The following UMAD1 variants were observed in gnomAD, a reference collection of about 807,000 sequenced individuals.
The protein encoded by UMAD1 is UBAP1-MVB12-associated (UMA) domain containing 1, also known as UBAP1-MVB12-associated (UMA)-domain containing protein 1.
A neutral mutation model predicts 6.1 loss-of-function variants in UMAD1; 8 were observed. That is an observed-to-expected ratio of 1.30 (90% CI 0.76 to 2.35). The LOEUF is 2.35. Ranked by LOEUF, UMAD1 falls within the 30% of genes most tolerant of loss-of-function variation. UMAD1 has a pLI of 0.00. For missense variants in UMAD1, 130 were observed against 78.4 expected (o/e 1.66, Z -2.49); for synonymous variants, 56 against 31.4 (o/e 1.78, Z -2.61).
At chr7:7,756,830 G>A (rs944219757) in intron 2 of UMAD1, among the ~76,000 whole-genome samples, 6 of 152,166 alleles carry the variant, frequency 3.9e-5, no homozygotes, top group African/African-American at 1.4e-4. Flanking sequence ...AGTCTGCTCA[G>A]AATTCCTTAA....
At chr7:7,812,234 C>T (rs189807819) in intron 3 of UMAD1, among the ~76,000 whole-genome samples, 1 of 152,276 alleles carries the variant, frequency 6.6e-6, no homozygotes, top group Admixed American at 6.5e-5. Flanking sequence ...CTGTTTCCAT[C>T]CAAACTGCAC....
At chr7:7,740,013 C>G (rs1161086287) in intron 2 of UMAD1, among the ~76,000 whole-genome samples, 1 of 152,234 alleles carries the variant, frequency 6.6e-6, no homozygotes, top group African/African-American at 2.4e-5. Context: ...CATCTAATTA[C>G]TATACAGTGA....
At chr7:7,806,724 A>G (rs1782924197) in intron 3 of UMAD1, among the ~76,000 whole-genome samples, 1 of 152,216 alleles carries the variant, frequency 6.6e-6, no homozygotes, top group Non-Finnish European at 1.5e-5. Flanking sequence ...GAAAAGTTTA[A>G]TAAATTCAGT....
chr7:7,648,195 T>G (rs1859604), intron 1 of UMAD1, among the ~76,000 whole-genome samples: 101,234 of 151,990 alleles, frequency 0.67, 34,195 homozygotes, highest in East Asian at 0.88. Flanking sequence ...CCATTAGGAC[T>G]TAATTGCCTA....
At chr7:7,733,041 AATGGAGT>A in intron 2 of UMAD1, among the ~76,000 whole-genome samples, 1 of 152,210 alleles carries the variant, frequency 6.6e-6, no homozygotes, top group Non-Finnish European at 1.5e-5. Context: ...TGTCATAAGT[AATGGAGT>A]TATTTATTAG....
At chr7:7,864,451 C>A (rs1417821777) in intron 3 of UMAD1, among the ~76,000 whole-genome samples, 1 of 151,854 alleles carries the variant, frequency 6.6e-6, no homozygotes, top group Non-Finnish European at 1.5e-5. Flanking sequence ...GGGCACCATC[C>A]CATCACAGGG....
intron 3 of UMAD1, among the ~76,000 whole-genome samples, chr7:7,876,192 G>A (rs552467331): frequency 6.6e-6 from 1 of 152,254 alleles, no homozygotes; most frequent in East Asian, 1.9e-4. Context: ...GAGCGTCCTG[G>A]TCTGAGGGAA....
intron 3 of UMAD1, among the ~76,000 whole-genome samples, chr7:7,804,398 C>T (rs1782865068): frequency 6.6e-6 from 1 of 152,196 alleles, no homozygotes; most frequent in Non-Finnish European, 1.5e-5. Context: ...TGAGACTGGG[C>T]GTGGTGGCTC....
intron 1 of UMAD1, among the ~76,000 whole-genome samples, chr7:7,653,330 G>T (rs1197774544): frequency 6.6e-6 from 1 of 152,144 alleles, no homozygotes; most frequent in Non-Finnish European, 1.5e-5. Context: ...GACACTAAAG[G>T]CTGTAAATTG....
intron 1 of UMAD1, chr7:7,641,841 A>G (rs1002328577): frequency 2.0e-5 from 3 of 152,198 alleles, no homozygotes; most frequent in Non-Finnish European, 4.4e-5. Flanking sequence ...TTGAGACTTC[A>G]CGTGGCAATT....
At chr7:7,761,196 C>T (rs1184138345) in intron 2 of UMAD1, among the ~76,000 whole-genome samples, 2 of 151,924 alleles carry the variant, frequency 1.3e-5, no homozygotes, top group Non-Finnish European at 2.9e-5. Context: ...AAAACCCTGT[C>T]TCTACAAAAT....
intron 2 of UMAD1, among the ~76,000 whole-genome samples, chr7:7,704,721 C>T (rs571582503): frequency 7.4e-6 from 1 of 135,622 alleles, no homozygotes; most frequent in Non-Finnish European, 1.5e-5. Flanking sequence ...GAGCTGAGAT[C>T]GCACCACTGT....
At chr7:7,642,870 A>T (rs1280630552) in intron 1 of UMAD1, among the ~76,000 whole-genome samples, 1 of 152,214 alleles carries the variant, frequency 6.6e-6, no homozygotes, top group Non-Finnish European at 1.5e-5. Context: ...AGGTGGTTTT[A>T]TCACACATGC....
chr7:7,751,689 G>A (rs1352997451), intron 2 of UMAD1, among the ~76,000 whole-genome samples: 1 of 152,110 alleles, frequency 6.6e-6, no homozygotes, highest in East Asian at 1.9e-4. Context: ...CTGTTTACCT[G>A]TAATCAGAGG....
chr7:7,872,948 C>T (rs1195017066), intron 3 of UMAD1, among the ~76,000 whole-genome samples: 1 of 152,100 alleles, frequency 6.6e-6, no homozygotes, highest in Non-Finnish European at 1.5e-5. Flanking sequence ...TTTGAACTAC[C>T]AGTGAGTGTC....
At chr7:7,809,926 A>G (rs1782990997) in intron 3 of UMAD1, among the ~76,000 whole-genome samples, 1 of 152,060 alleles carries the variant, frequency 6.6e-6, no homozygotes, top group African/African-American at 2.4e-5. Context: ...TGTGAATCCC[A>G]TGTGATACAG....
chr7:7,666,840 T>C (rs1333872006), intron 1 of UMAD1, among the ~76,000 whole-genome samples: 5 of 151,880 alleles, frequency 3.3e-5, no homozygotes, highest in African/African-American at 1.2e-4. Context: ...AGTTTCACTC[T>C]TGTTGCCCAG....
chr7:7,682,740 A>G (rs1451106666), intron 2 of UMAD1, among the ~76,000 whole-genome samples: 1 of 152,248 alleles, frequency 6.6e-6, no homozygotes, highest in Non-Finnish European at 1.5e-5. Context: ...TTACCCACGT[A>G]TCGGGATATC....
At chr7:7,748,711 G>A (rs1462926130) in intron 2 of UMAD1, among the ~76,000 whole-genome samples, 3 of 151,766 alleles carry the variant, frequency 2.0e-5, no homozygotes, top group Non-Finnish European at 1.5e-5. Context: ...TTGTTCTTTG[G>A]GGATGAGTAG....
Sources: gnomAD v4.1 joint callset for allele counts (sites outside exome capture counted in the v4.1 genomes callset) on GRCh38, gnomAD v4.1.1 for gene constraint, MANE v1.5 for transcripts, NCBI Gene and HGNC (gene_info 2026-07-23, HGNC 2026-07-21) for gene names.